Variants in OAS1 observed in about 807,000 individuals in gnomAD.
OAS1 encodes 2'-5'-oligoadenylate synthase 1.
In OAS1, 24 loss-of-function variants were observed where a neutral mutation model predicts 38.5. The observed-to-expected ratio is 0.62, with a 90% confidence interval of 0.45 to 0.88. OAS1 has a LOEUF of 0.88. Ranked by LOEUF, OAS1 falls within the 40% of genes least tolerant of loss-of-function variation. OAS1 has a pLI of 0.00. For synonymous variants in OAS1, 169 were observed against 193.9 expected (o/e 0.87, Z 1.07); for missense variants, 482 against 493.9 (o/e 0.98, Z 0.23).
rs1446492112 is a variant in OAS1 at position 112,911,079 on chromosome 12, C to A, written c.498C>A (p.Asn166Lys). ...AGTTGACTGGCGGCTATAAACCTAA[C>A]CCCCAAATCTATGTCAAGCTCATCG... ...LGQLTGGYKP[N>K]PQIYVKLIEE... Residue 166 changes from asparagine to lysine, a missense_variant, in exon 3 of 6, where the codon AAC becomes AAA. Transcript: ENST00000202917. 1 of 1,613,830 alleles carries A rather than the reference C, an allele frequency of 6.2e-7. No homozygotes were observed. The highest frequency in any genetic ancestry group is 1.7e-5 in the Admixed American group (1 of 59,970).
intron 5 of OAS1, chr12:112,918,983 G>A: frequency 3.7e-6 from 1 of 269,434 alleles, no homozygotes; most frequent in South Asian, 4.2e-5. Context: ...GAAAGGATAG[G>A]AAGGAAGCAT....
chr12:112,916,239 A>G (rs1296763771), intron 3 of OAS1, among the ~76,000 whole-genome samples: 1 of 152,226 alleles, frequency 6.6e-6, no homozygotes, highest in Non-Finnish European at 1.5e-5. Context: ...CAGCGCTCTT[A>G]ACAAGGGGCC....
downstream of OAS1, among the ~76,000 whole-genome samples, chr12:112,920,535 C>T (rs552904828): frequency 1.2e-4 from 19 of 152,264 alleles, 1 homozygote; most frequent in South Asian, 3.7e-3. Context: ...TGAAATCATA[C>T]ATGTGGCTTG....
In OAS1 at chr12:112,917,585, TG is replaced by T. The variant is rs754955931; in HGVS notation, c.926del (p.Gly309ValfsTer19). 6.2e-7 allele frequency: 1 copy of T among 1,614,102 alleles called. No homozygotes were observed. Among genetic ancestry groups the T allele is most frequent in the Admixed American group, 1.7e-5 (1 of 60,026 alleles). On this transcript the variant is annotated frameshift_variant, in exon 5 of 6. Coordinates refer to ENST00000202917, the MANE Select transcript of OAS1 (RefSeq NM_016816.4). LOFTEE classifies it high-confidence loss of function. ...ILDPADPTGN[L>X]GGGDPKGWRQ... is the part of the protein sequence containing the mutation. ...GACCCGGCGGACCCTACAGGAAACT[TG>T]GGTGGTGGAGACCCAAAGGGTTGGA...
Position 112,919,511 on chromosome 12 carries a change from C to CA in OAS1, c.1162dup (p.Thr388AsnfsTer61). On this transcript the variant is annotated frameshift_variant, in exon 6 of 6. Coordinates refer to ENST00000202917, the MANE Select transcript of OAS1 (RefSeq NM_016816.4). LOFTEE classifies it low-confidence loss of function (END_TRUNC). ...GACCCAGCACACTCCAGGCAGCATC[C>CA]ACCCCACAGGCAGAAGAGGACTGGA... 1 of 1,614,228 alleles carries CA rather than the reference C, an allele frequency of 6.2e-7. No homozygotes were observed. Among genetic ancestry groups the CA allele is most frequent in the Non-Finnish European group, 8.5e-7 (1 of 1,180,048 alleles).
chr12:112,926,538 A>T (rs2043559325), intron 6 of OAS1, among the ~76,000 whole-genome samples: 1 of 130,956 alleles, frequency 7.6e-6, no homozygotes, highest in Non-Finnish European at 1.6e-5. Flanking sequence ...TAAAACCAGC[A>T]AGTTTTTATT....
At chr12:112,923,305 T>C (rs2043541279), downstream of OAS1, among the ~76,000 whole-genome samples, 1 of 152,228 alleles carries the variant, frequency 6.6e-6, no homozygotes, top group African/African-American at 2.4e-5. Flanking sequence ...ACCTCCATAC[T>C]GTTTTTCACA....
intron 4 of OAS1, 90 bp from the exon 5 acceptor site, chr12:112,917,457 A>T: frequency 1.3e-6 from 2 of 1,548,634 alleles, no homozygotes; most frequent in South Asian, 2.4e-5. Context: ...AGTTCATCCC[A>T]TGCTGCTATT....
rs60578734 is a variant in OAS1 at position 112,914,730 on chromosome 12, G to GTT, written c.655-1762_655-1761dup. Among the ~76,000 whole-genome samples, 132 of 118,478 alleles carry GTT rather than the reference G, an allele frequency of 1.1e-3. 2 individuals are homozygous for GTT. The highest frequency in any genetic ancestry group is 7.6e-3 in the South Asian group (26 of 3,420). 77.7% of individuals were successfully genotyped at this position (118,478 alleles called of 152,430 possible). ...TTTTTCCATATGCTTGTTGGTATTT[G>GTT]TTTTTTTTTTTTTTTTTTCATTATT... On this transcript the variant is annotated intron_variant, in intron 3 of 5. Transcript: ENST00000202917.
chr12:112,919,562 G>A lies in OAS1; in HGVS notation c.*9G>A, dbSNP rs774909232. ...CCTGCACCATCCTCTGAATGCCAGT[G>A]CATCTTGGGGGAAAGGGCTCCAGTG... On this transcript the variant is annotated 3_prime_UTR_variant, in exon 6 of 6. Coordinates refer to ENST00000202917, the MANE Select transcript of OAS1 (RefSeq NM_016816.4). 1.9e-6 allele frequency: 3 copies of A among 1,614,102 alleles called. No individual in the cohort carries two copies. Among genetic ancestry groups the A allele is most frequent in the East Asian group, 4.5e-5 (2 of 44,900 alleles).
rs1333423738 is a variant in OAS1, at chr12:112,919,650, C to T, written c.*97C>T. On this transcript the variant is annotated 3_prime_UTR_variant, in exon 6 of 6. Coordinates refer to ENST00000202917, the MANE Select transcript of OAS1 (RefSeq NM_016816.4). The stretch of plus-strand genomic sequence containing the variant: ...TTGATCCAGAGAGGACAAAGCTCCT[C>T]AGTGAGCTGGTGTATAATCCAGGAC... The T allele has an allele frequency of 1.4e-5, 23 of 1,598,110 alleles. No individual in the cohort carries two copies. The highest frequency in any genetic ancestry group is 2.0e-5 in the Non-Finnish European group (23 of 1,172,024).
At chr12:112,907,315 A>G (rs894425439) in intron 1 of OAS1, 96 bp downstream of exon 1, 1 of 1,302,504 alleles carries the variant, frequency 7.7e-7, no homozygotes, top group Non-Finnish European at 1.1e-6. Context: ...GCAAAAACCT[A>G]GAACCCAGGG....
chr12:112,917,713 G>T lies in OAS1; in HGVS notation c.1038+13G>T. ...CTGGATTCTGCTGGTGAGACCTCCT[G>T]CTTCCTCCCTGCCATTCATCCCTGC... On this transcript the variant is annotated intron_variant, in intron 5 of 5. Transcript: ENST00000202917. The T allele has an allele frequency of 6.2e-7, 1 of 1,614,172 alleles. No individual in the cohort carries two copies.
chr12:112,922,084 G>A (rs1002820754), downstream of OAS1, among the ~76,000 whole-genome samples: 21 of 152,106 alleles, frequency 1.4e-4, no homozygotes, highest in Non-Finnish European at 2.6e-4. Flanking sequence ...GACGCTTTTC[G>A]TTATCAGTGT....
Position 112,911,334 on chromosome 12 carries a change from G to A in OAS1, c.654+99G>A, listed in dbSNP as rs917871446. ...AGAAGGGAGTGAAGGGAAGAGGAGG[G>A]GGAGTGGTGGAGGGAAATAGAGGGA... On this transcript the variant is annotated intron_variant, in intron 3 of 5. Coordinates refer to ENST00000202917, the MANE Select transcript of OAS1 (RefSeq NM_016816.4). 1.3e-5 allele frequency: 12 copies of A among 934,768 alleles called. No individual in the cohort carries two copies. In the African/African-American group the frequency reaches 1.5e-4, roughly 12 times the overall value. The allele number at this position is 934,768 out of a possible 1,614,324, so 57.9% of individuals were successfully genotyped here. A position where few individuals can be genotyped will look rare whatever the true frequency, so the allele number is the denominator to read the frequency against.
At chr12:112,929,496 G>C (rs996706510) in intron 6 of OAS1, among the ~76,000 whole-genome samples, 3 of 152,166 alleles carry the variant, frequency 2.0e-5, no homozygotes, top group Admixed American at 1.3e-4. Flanking sequence ...TGCATATTCT[G>C]TTTGGTTCCT....
intron 5 of OAS1, chr12:112,918,271 G>T: frequency 5.4e-6 from 1 of 184,896 alleles, no homozygotes; most frequent in Non-Finnish European, 1.1e-5. Context: ...TTGATTTTCT[G>T]TTTCTGGGTT....
intron 3 of OAS1, among the ~76,000 whole-genome samples, chr12:112,911,896 C>G (rs1399480136): frequency 6.6e-6 from 1 of 152,176 alleles, no homozygotes; most frequent in East Asian, 1.9e-4. Context: ...TTTAAATGCC[C>G]TGCATCTTAG....
At position 112,916,833 on chromosome 12, in the gene OAS1, C is replaced by T. The variant is rs546816663; in HGVS notation, c.884+95C>T. On this transcript the variant is annotated intron_variant, in intron 4 of 5. Transcript: ENST00000202917. ...AAATGGAGGAGGTGGGAGGGCTCCC[C>T]ACTTAGTGAGAATCTCCTGTTGCCC... 1.5e-5 allele frequency: 14 copies of T among 913,996 alleles called. No homozygotes were observed. The South Asian group carries it at 1.9e-4, about 13-fold the overall frequency. The allele number at this position is 913,996 out of a possible 1,614,324, so 56.6% of individuals were successfully genotyped here. A position where few individuals can be genotyped will look rare whatever the true frequency, so the allele number is the denominator to read the frequency against.
Sources: gnomAD v4.1 joint callset for allele counts (sites outside exome capture counted in the v4.1 genomes callset) on GRCh38, gnomAD v4.1.1 for gene constraint, MANE v1.5 for transcripts, NCBI Gene and HGNC (gene_info 2026-07-23, HGNC 2026-07-21) for gene names.